MAP3K13: variants seen among roughly 807,000 people sequenced by gnomAD.
MAP3K13 encodes mitogen-activated protein kinase kinase kinase 13.
In MAP3K13, 52 loss-of-function variants were observed where a neutral mutation model predicts 104.0. The ratio of observed to expected loss-of-function variants is 0.50; its 90% CI spans 0.40 to 0.63. The LOEUF (loss-of-function observed/expected upper bound fraction) is 0.63, where lower values mean the gene tolerates loss of function less well. Among genes scored for constraint, MAP3K13 ranks in the 20% least tolerant of loss-of-function variants. MAP3K13 has a pLI of 0.00. For synonymous variants in MAP3K13, 394 were observed against 442.2 expected (o/e 0.89, Z 1.37); for missense variants, 914 against 1,218.5 (o/e 0.75, Z 3.72).
chr3:185,418,864 T>A lies in MAP3K13; in HGVS notation c.-85-9633T>A. 2 of 1,390,000 alleles carry A rather than the reference T, an allele frequency of 1.4e-6. No homozygotes were observed. The allele number at this position is 1,390,000 out of a possible 1,614,324, so 86.1% of individuals were successfully genotyped here. A position where few individuals can be genotyped will look rare whatever the true frequency, so the allele number is the denominator to read the frequency against. On this transcript the variant is annotated intron_variant, in intron 1 of 13. Transcript: ENST00000265026. The surrounding 1 kb of genome is among the most constrained non-coding windows in gnomAD (Gnocchi z 4.5). ...TTCTTGTCTTTTCATCTGTTTTGGG[T>A]TTCAGTTCTCTTAATCATGATCATT...
chr3:185,484,969 T>G lies in MAP3K13; in HGVS notation c.*2513T>G, dbSNP rs1445850428. 4 of 152,166 alleles carry G rather than the reference T, an allele frequency of 2.6e-5. No homozygotes were observed. Among genetic ancestry groups the G allele is most frequent in the Non-Finnish European group, 5.9e-5 (4 of 68,016 alleles). 9.4% of individuals were successfully genotyped at this position (152,166 alleles called of 1,614,324 possible). A position where few individuals can be genotyped will look rare whatever the true frequency, so the allele number is the denominator to read the frequency against. ...TGATCTTAGCTGTGTTCCCTAATTTTCTGTGTACAACAATCATCTGAGGAC... is the reference window on the plus strand; with the variant it reads ...TGATCTTAGCTGTGTTCCCTAATTTGCTGTGTACAACAATCATCTGAGGAC... On this transcript the variant is annotated 3_prime_UTR_variant, in exon 14 of 14. Coordinates refer to ENST00000265026, the MANE Select transcript of MAP3K13 (RefSeq NM_004721.5).
chr3:185,417,409 T>C (rs3177791), intron 1 of MAP3K13: 32 of 1,296,116 alleles, frequency 2.5e-5, no homozygotes, highest in Non-Finnish European at 3.3e-5. Context: ...TTTCTTTTTT[T>C]CCTCACTGCC....
chr3:185,460,878 C>T (rs963906181), intron 7 of MAP3K13, among the ~76,000 whole-genome samples: 1 of 152,132 alleles, frequency 6.6e-6, no homozygotes, highest in Admixed American at 6.5e-5. Flanking sequence ...AGAATTAAAA[C>T]AAATCTCATC....
chr3:185,453,000 G>C (rs2148898898), intron 7 of MAP3K13, among the ~76,000 whole-genome samples: 1 of 152,288 alleles, frequency 6.6e-6, no homozygotes, highest in South Asian at 2.1e-4. Context: ...TAAGGGCGCA[G>C]ATCTGGAGAG....
At chr3:185,312,678 T>G (rs1209454171) in intron 2 of MAP3K13, among the ~76,000 whole-genome samples, 2 of 152,274 alleles carry the variant, frequency 1.3e-5, no homozygotes, top group African/African-American at 4.8e-5. Flanking sequence ...ATCAAAAGCA[T>G]CTTGATGCAA....
chr3:185,444,956 C>T (rs1400264313), intron 4 of MAP3K13, among the ~76,000 whole-genome samples: 2 of 152,038 alleles, frequency 1.3e-5, no homozygotes, highest in East Asian at 3.8e-4. Flanking sequence ...GCACTCCAGC[C>T]TGGACCACAG....
intron 7 of MAP3K13, among the ~76,000 whole-genome samples, chr3:185,456,225 C>G (rs1449080868): frequency 6.6e-6 from 1 of 152,088 alleles, no homozygotes; most frequent in Non-Finnish European, 1.5e-5. Context: ...CACACCCTCT[C>G]TGATCCATAA....
Position 185,480,292 on chromosome 3 carries a change from T to G in MAP3K13, c.2562T>G (p.Ser854=). ...CAACCTTTAGCTCTGAGAATTTCTCTGTGTCTGATGGAGAAGAGGGAAATA... is the reference window on the plus strand; with the variant it reads ...CAACCTTTAGCTCTGAGAATTTCTCGGTGTCTGATGGAGAAGAGGGAAATA... ...SYSTFSSENF[S]VSDGEEGNTS... is the part of the protein sequence containing the mutation. Residue 854 remains serine, a synonymous_variant, in exon 13 of 14, where the codon TCT becomes TCG. Transcript: ENST00000265026. The G allele has an allele frequency of 6.2e-7, 1 of 1,614,236 alleles. No individual in the cohort carries two copies. The highest frequency in any genetic ancestry group is 8.5e-7 in the Non-Finnish European group (1 of 1,180,040).
intron 1 of MAP3K13, among the ~76,000 whole-genome samples, chr3:185,369,258 G>T (rs948483318): frequency 2.0e-5 from 3 of 152,186 alleles, no homozygotes; most frequent in Non-Finnish European, 4.4e-5. Context: ...TGGGACTTTT[G>T]CATTGTATTG....
chr3:185,359,198 A>G (rs1419983164), upstream of MAP3K13, among the ~76,000 whole-genome samples: 1 of 152,192 alleles, frequency 6.6e-6, no homozygotes, highest in Non-Finnish European at 1.5e-5. Context: ...GGACGGCAGC[A>G]GGCAAAGAGA....
chr3:185,360,161 TAGTATG>T (rs1307629420), upstream of MAP3K13, among the ~76,000 whole-genome samples: 1 of 152,162 alleles, frequency 6.6e-6, no homozygotes, highest in Non-Finnish European at 1.5e-5. Context: ...CCTCCACACT[TAGTATG>T]CCCATGTGCT....
At chr3:185,425,792 C>A (rs906157987) in intron 1 of MAP3K13, among the ~76,000 whole-genome samples, 8 of 152,170 alleles carry the variant, frequency 5.3e-5, no homozygotes, top group Non-Finnish European at 8.8e-5. Flanking sequence ...TTAATTCACC[C>A]CTCAAGACTC....
chr3:185,365,495 TG>T (rs946091565), intron 1 of MAP3K13, among the ~76,000 whole-genome samples: 4 of 152,184 alleles, frequency 2.6e-5, no homozygotes, highest in African/African-American at 9.7e-5. Context: ...CCGGTCAGTT[TG>T]GTTTGCGTTG....
In MAP3K13 at chr3:185,423,693, G is replaced by A. The variant is rs548475708; in HGVS notation, c.-85-4804G>A. 1.3e-5 allele frequency among the ~76,000 whole-genome samples: 2 copies of A among 152,084 alleles called. No individual in the cohort carries two copies. Among genetic ancestry groups the A allele is most frequent in the South Asian group, 2.1e-4 (1 of 4,830 alleles). On this transcript the variant is annotated intron_variant, in intron 1 of 13. Coordinates refer to ENST00000265026, the MANE Select transcript of MAP3K13 (RefSeq NM_004721.5). The surrounding 1 kb of genome is among the most constrained non-coding windows in gnomAD (Gnocchi z 4.1). ...TTTAAGTGCCTCTTAACCTAACCCC[G>A]TCCAGTTAAAGTGATCTCTCTGGTT... is the stretch of plus-strand genomic sequence containing the variant.
At chr3:185,351,670 A>G (rs1436152884) in intron 2 of MAP3K13, among the ~76,000 whole-genome samples, 1 of 152,194 alleles carries the variant, frequency 6.6e-6, no homozygotes, top group African/African-American at 2.4e-5. Flanking sequence ...TTCTCTGAGT[A>G]ACTAATTCTC....
rs1343423945 is a variant in MAP3K13 at position 185,369,911 on chromosome 3, T to C, written c.-86+6543T>C. Among the ~76,000 whole-genome samples, 3 of 152,326 alleles carry C rather than the reference T, an allele frequency of 2.0e-5. 1 individual carries two copies. The highest frequency in any genetic ancestry group is 4.1e-4 in the South Asian group (2 of 4,832). On this transcript the variant is annotated intron_variant, in intron 1 of 13. Coordinates refer to ENST00000265026, the MANE Select transcript of MAP3K13 (RefSeq NM_004721.5). ...GCATGAGGATGCAATGGAAAAAGAA[T>C]TGGACTAAGACTGTAGGAGTCTATG...
intron 2 of MAP3K13, among the ~76,000 whole-genome samples, chr3:185,324,676 G>A (rs1223942147): frequency 6.6e-6 from 1 of 151,844 alleles, no homozygotes; most frequent in African/African-American, 2.4e-5. Context: ...CCTATTTTGA[G>A]ACAGAGATTC....
chr3:185,374,730 C>T (rs1439107680), intron 1 of MAP3K13, among the ~76,000 whole-genome samples: 1 of 151,716 alleles, frequency 6.6e-6, no homozygotes, highest in Non-Finnish European at 1.5e-5. Flanking sequence ...GTAAAAACAG[C>T]ACTCTTCATT....
intron 2 of MAP3K13, among the ~76,000 whole-genome samples, chr3:185,304,547 T>C (rs1721213243): frequency 6.6e-6 from 1 of 152,216 alleles, no homozygotes; most frequent in Non-Finnish European, 1.5e-5. Context: ...CCTAGTGAAT[T>C]GACCCTTTAT....
Sources: gnomAD v4.1 joint callset for allele counts (sites outside exome capture counted in the v4.1 genomes callset) on GRCh38, gnomAD v4.1.1 for gene constraint, Gnocchi (gnomAD v3.1) non-coding constraint, MANE v1.5 for transcripts, NCBI Gene and HGNC (gene_info 2026-07-23, HGNC 2026-07-21) for gene names.